RGSL1: variants seen among roughly 807,000 people sequenced by gnomAD.
RGSL1 encodes regulator of G protein signaling protein-like.
A neutral mutation model predicts 124.7 loss-of-function variants in RGSL1; 97 were observed. The ratio of observed to expected loss-of-function variants is 0.78; its 90% CI spans 0.66 to 0.92. The LOEUF is 0.92. RGSL1 is among the 40% of genes least tolerant of loss of function. The pLI is 0.00. For missense variants in RGSL1, 1,233 were observed against 1,288.4 expected, an observed-to-expected ratio of 0.96 and a Z score of 0.66; for synonymous variants, 424 against 438.1, an observed-to-expected ratio of 0.97 and a Z score of 0.40.
In RGSL1 at chr1:182,540,419, GA is replaced by G; in HGVS notation, c.2669del (p.Lys890AsnfsTer23). 1 of 1,549,692 alleles carries G rather than the reference GA, an allele frequency of 6.5e-7. No homozygotes were observed. The highest frequency in any genetic ancestry group is 8.7e-7 in the Non-Finnish European group (1 of 1,145,976). On this transcript the variant is annotated frameshift_variant and splice_region_variant, in exon 15 of 22. Transcript: ENST00000294854. LOFTEE classifies it high-confidence loss of function. ...NDLYFFSEMEKFNDLVSSAHM... is the reference protein window; with the variant it reads ...NDLYFFSEMEXFNDLVSSAHM... The stretch of plus-strand genomic sequence containing the variant: ...ATCTATATTTCTTTTCTGAAATGGA[GA>G]AGTAAGTTTTCCACTTCTCCTTCTT...
At chr1:182,538,549 G>T (rs1363051058) in intron 14 of RGSL1, among the ~76,000 whole-genome samples, 1 of 151,804 alleles carries the variant, frequency 6.6e-6, no homozygotes, top group Non-Finnish European at 1.5e-5. Flanking sequence ...AAATTCAGCA[G>T]ATTAGTAACT....
intron 4 of RGSL1, among the ~76,000 whole-genome samples, chr1:182,471,619 T>C (rs606661): frequency 0.18 from 27,112 of 152,168 alleles, 2,781 homozygotes; most frequent in East Asian, 0.38. Flanking sequence ...CATTAAGCAC[T>C]GCTATGTGGC....
At chr1:182,549,945 T>C (rs867329663) in intron 17 of RGSL1, 11 of 152,324 alleles carry the variant, frequency 7.2e-5, no homozygotes, top group Middle Eastern at 3.4e-3. Context: ...CTGGGAAATA[T>C]ATGCTTCTCT....
intron 6 of RGSL1, among the ~76,000 whole-genome samples, chr1:182,479,153 T>C (rs1363132214): frequency 6.6e-6 from 1 of 152,146 alleles, no homozygotes; most frequent in Non-Finnish European, 1.5e-5. Context: ...CATGTGAAAG[T>C]ATAAATCTCA....
At chr1:182,536,121 A>G (rs1036096842) in intron 14 of RGSL1, among the ~76,000 whole-genome samples, 1 of 152,216 alleles carries the variant, frequency 6.6e-6, no homozygotes, top group Non-Finnish European at 1.5e-5. Flanking sequence ...ATGCTATTGC[A>G]TATATCAGTA....
At chr1:182,490,962 C>T (rs1458837381) in intron 8 of RGSL1, among the ~76,000 whole-genome samples, 2 of 142,780 alleles carry the variant, frequency 1.4e-5, no homozygotes, top group African/African-American at 2.6e-5. Context: ...ACAATCACAG[C>T]TCACTGCAGC....
At chr1:182,551,283 G>T (rs1319308550) in intron 18 of RGSL1, 74 bp downstream of exon 18, 1 of 1,264,660 alleles carries the variant, frequency 7.9e-7, no homozygotes, top group African/African-American at 1.5e-5. Context: ...GGGCCCAAGG[G>T]GCCAAATTCA....
In RGSL1 at chr1:182,489,068, A is replaced by T. The variant is rs1318963758; in HGVS notation, c.1583A>T (p.Gln528Leu). The T allele has an allele frequency of 5.2e-6, 8 of 1,551,706 alleles. No homozygotes were observed. The highest frequency in any genetic ancestry group is 2.4e-5 in the East Asian group (1 of 40,918). Residue 528 changes from glutamine (Q) to leucine (L), a missense_variant, in exon 8 of 22, where the codon CAG (glutamine) becomes CTG (leucine). By Grantham distance (113) the Gln-to-Leu change is moderately radical. Transcript: ENST00000294854. ...ENILLYKRIQ[Q>L]SLELSQALAD... ...ATTCTTCTTTATAAGAGGATTCAGC[A>T]GTCTCTAGAGTTAAGCCAGGCTTTG...
chr1:182,530,742 T>G (rs565444653), intron 12 of RGSL1, 48 bp from the exon 13 acceptor site: 1 of 1,478,994 alleles, frequency 6.8e-7, no homozygotes, highest in East Asian at 2.6e-5. Context: ...TCATCTTTTA[T>G]GTGCCAGGTT....
At position 182,548,707 on chromosome 1, in the gene RGSL1, T is replaced by A; in HGVS notation, c.2816T>A (p.Val939Asp). ...CTCCCACTCTGTGGGTAGGTGAATGTCCCTGAGTTCCAGAAGGATGCCATC... is the reference window on the plus strand; with the variant it reads ...CTCCCACTCTGTGGGTAGGTGAATGACCCTGAGTTCCAGAAGGATGCCATC... ...SDIPPKLRVN[V>D]PEFQKDAILA... is the part of the protein sequence containing the mutation. The change falls in exon 17 of 22, where the codon GTC becomes GAC. Residue 939 changes from valine to aspartate, a missense_variant. Transcript: ENST00000294854. 6.4e-7 allele frequency: 1 copy of A among 1,551,578 alleles called. No individual in the cohort carries two copies. The highest frequency in any genetic ancestry group is 8.7e-7 in the Non-Finnish European group (1 of 1,146,968).
At chr1:182,509,694 G>C (rs1414908732) in intron 9 of RGSL1, among the ~76,000 whole-genome samples, 1 of 138,006 alleles carries the variant, frequency 7.2e-6, no homozygotes, top group East Asian at 2.4e-4. Flanking sequence ...CCTCCCGGAC[G>C]GCACGGCTGG....
intron 6 of RGSL1, among the ~76,000 whole-genome samples, chr1:182,482,128 T>TA (rs1258106462): frequency 1.3e-5 from 2 of 152,010 alleles, no homozygotes; most frequent in African/African-American, 2.4e-5. Flanking sequence ...GAATTAGAGG[T>TA]AAAAATCACA....
chr1:182,455,479 G>A (rs553594968), intron 2 of RGSL1, among the ~76,000 whole-genome samples: 10 of 152,242 alleles, frequency 6.6e-5, no homozygotes, highest in African/African-American at 2.4e-4. Context: ...CTACTCAGGA[G>A]GCTGAGGCAC....
intron 4 of RGSL1, among the ~76,000 whole-genome samples, chr1:182,461,147 C>A (rs1040951511): frequency 6.9e-6 from 1 of 145,862 alleles, no homozygotes; most frequent in Admixed American, 6.9e-5. Context: ...TTTTTTTTTT[C>A]TTTTTGGGAG....
chr1:182,500,833 A>G (rs2102145689), intron 9 of RGSL1, among the ~76,000 whole-genome samples: 1 of 152,350 alleles, frequency 6.6e-6, no homozygotes, highest in East Asian at 1.9e-4. Context: ...TGCATATTGA[A>G]TTTGTATCCT....
At chr1:182,459,354 A>G (rs929701883) in intron 3 of RGSL1, among the ~76,000 whole-genome samples, 3 of 152,094 alleles carry the variant, frequency 2.0e-5, no homozygotes, top group South Asian at 2.1e-4. Context: ...ACAAGGGGGC[A>G]TGTAGAATCA....
chr1:182,483,947 G>A (rs1051848251), intron 6 of RGSL1, among the ~76,000 whole-genome samples: 1 of 152,122 alleles, frequency 6.6e-6, no homozygotes, highest in African/African-American at 2.4e-5. Context: ...CACAGAGTGG[G>A]TTTGGGAACC....
intron 9 of RGSL1, among the ~76,000 whole-genome samples, chr1:182,509,745 C>G (rs1657221375): frequency 7.6e-6 from 1 of 131,250 alleles, no homozygotes; most frequent in East Asian, 2.5e-4. Context: ...TCCCGGATGG[C>G]ACGGCTGGCC....
intron 9 of RGSL1, among the ~76,000 whole-genome samples, chr1:182,514,324 C>T (rs973024595): frequency 6.6e-6 from 1 of 152,148 alleles, no homozygotes; most frequent in Non-Finnish European, 1.5e-5. Flanking sequence ...TCTCCCATCT[C>T]GTCAGTGGGA....
Sources: allele counts gnomAD v4.1 joint callset (sites outside exome capture counted in the v4.1 genomes callset), GRCh38; gene constraint gnomAD v4.1.1; transcripts MANE v1.5; gene names NCBI Gene and HGNC (gene_info 2026-07-23, HGNC 2026-07-21).